The following ADARB1 variants were observed in gnomAD, a reference collection of about 807,000 sequenced individuals.
The protein encoded by ADARB1 is double-stranded RNA-specific editase 1.
A neutral mutation model predicts 52.4 loss-of-function variants in ADARB1; 10 were observed. The observed-to-expected ratio is 0.19, with a 90% CI of 0.12 to 0.32. ADARB1 has a LOEUF of 0.32. Ranked by LOEUF, ADARB1 falls within the 10% of genes least tolerant of loss-of-function variation. The probability of loss-of-function intolerance (pLI) is 1.00; values close to 1 mark genes in which losing one functional copy is unlikely to be tolerated. For missense variants in ADARB1, 643 were observed against 922.3 expected (o/e 0.70, Z 3.92); for synonymous variants, 349 against 371.1 (o/e 0.94, Z 0.68).
In ADARB1 at chr21:45,221,682, GTGA is replaced by G. The variant is rs908173887; in HGVS notation, c.1927-332_1927-330del. On this transcript the variant is annotated intron_variant, in intron 10 of 10. Coordinates refer to ENST00000348831, the MANE Select transcript of ADARB1 (RefSeq NM_001112.4). This position sits in a 1 kb window ranked among gnomAD's most constrained non-coding sequence, Gnocchi z 4.9. ...AGGGAAGGCCTCCGAGGTCATCAGG[GTGA>G]TGACACACATAACATCCGTGGTGCT... 5.3e-5 allele frequency among the ~76,000 whole-genome samples: 8 copies of G among 152,200 alleles called. No individual in the cohort carries two copies. The highest frequency in any genetic ancestry group is 1.9e-4 in the African/African-American group (8 of 41,456).
chr21:45,201,907 T>C (rs2092562502), intron 8 of ADARB1, among the ~76,000 whole-genome samples: 2 of 151,662 alleles, frequency 1.3e-5, no homozygotes. Context: ...GGGGCAGCCA[T>C]GGCTGCCTCT....
chr21:45,140,925 C>A (rs2089687028), intron 2 of ADARB1, among the ~76,000 whole-genome samples: 1 of 152,144 alleles, frequency 6.6e-6, no homozygotes, highest in Non-Finnish European at 1.5e-5. Context: ...GTGTGGTGCT[C>A]AAGCCTATAA....
rs2092976902 is a variant in ADARB1, at chr21:45,222,149, C to T, written c.2058C>T (p.Ala686=). Residue 686 remains alanine, a synonymous_variant, in exon 11 of 11, where the codon GCC becomes GCT. Coordinates refer to ENST00000348831, the MANE Select transcript of ADARB1 (RefSeq NM_001112.4). ...CCTTCATCAAGGCGGGGCTGGGGGC[C>T]TGGGTGGAGAAGCCCACCGAGCAGG... ...FTAFIKAGLG[A]WVEKPTEQDQ... The T allele has an allele frequency of 2.5e-6, 4 of 1,607,552 alleles. No individual in the cohort carries two copies. The highest frequency in any genetic ancestry group is 3.4e-6 in the Non-Finnish European group (4 of 1,177,514).
chr21:45,152,660 A>G (rs1465871376), intron 2 of ADARB1: 3 of 451,850 alleles, frequency 6.6e-6, no homozygotes, highest in Non-Finnish European at 1.3e-5. Context: ...TTTCAGCATC[A>G]TGGGGCGTCG....
intron 1 of ADARB1, among the ~76,000 whole-genome samples, chr21:45,081,288 C>T (rs1335953777): frequency 6.6e-6 from 1 of 152,196 alleles, no homozygotes; most frequent in Non-Finnish European, 1.5e-5. Context: ...CAGAGGCAGA[C>T]ACCGTGCCTC....
intron 1 of ADARB1, among the ~76,000 whole-genome samples, chr21:45,099,255 G>T (rs2086896178): frequency 2.0e-5 from 3 of 152,206 alleles, no homozygotes; most frequent in Admixed American, 2.0e-4. Flanking sequence ...TCCTGTGGGA[G>T]AGCAGCAATT....
intron 8 of ADARB1, among the ~76,000 whole-genome samples, chr21:45,195,796 C>T (rs1365405371): frequency 1.3e-5 from 2 of 152,148 alleles, no homozygotes; most frequent in Non-Finnish European, 2.9e-5. Flanking sequence ...CAATACCATG[C>T]TGTCCTGATT....
chr21:45,111,181 C>T (rs1763751216), intron 1 of ADARB1, among the ~76,000 whole-genome samples: 1 of 152,230 alleles, frequency 6.6e-6, no homozygotes, highest in Admixed American at 6.5e-5. Context: ...TCCTCAGGCT[C>T]CTCCTGTTGG....
chr21:45,166,765 C>T (rs777663539), intron 2 of ADARB1, among the ~76,000 whole-genome samples: 192 of 152,304 alleles, frequency 1.3e-3, no homozygotes, highest in Non-Finnish European at 2.2e-3. Flanking sequence ...AGGTCTTCTG[C>T]AGTCAAGTTC....
intron 2 of ADARB1, chr21:45,152,707 A>G: frequency 2.3e-6 from 1 of 436,290 alleles, no homozygotes; most frequent in East Asian, 7.5e-5. Flanking sequence ...CTGAGAGGAA[A>G]GGTAATTCAT....
At chr21:45,164,237 A>G (rs1169114186) in intron 2 of ADARB1, among the ~76,000 whole-genome samples, 1 of 152,136 alleles carries the variant, frequency 6.6e-6, no homozygotes, top group Non-Finnish European at 1.5e-5. Flanking sequence ...TGTAGCAGCC[A>G]AGTGAAGACT....
intron 2 of ADARB1, among the ~76,000 whole-genome samples, chr21:45,161,259 C>T (rs1209486917): frequency 6.6e-6 from 1 of 152,222 alleles, no homozygotes; most frequent in African/African-American, 2.4e-5. Flanking sequence ...CCCTGCCATC[C>T]TGGGCACAGC....
In ADARB1 at chr21:45,221,670, G is replaced by A. The variant is rs1311140214; in HGVS notation, c.1927-348G>A. Among the ~76,000 whole-genome samples the A allele has an allele frequency of 5.9e-5, 9 of 152,192 alleles. No homozygotes were observed. Among genetic ancestry groups the A allele is most frequent in the African/African-American group, 9.7e-5 (4 of 41,448 alleles). Reference sequence around the variant, plus strand: ...ACTGGCCGCATGAGGGAAGGCCTCCGAGGTCATCAGGGTGATGACACACAT... The same window carrying A: ...ACTGGCCGCATGAGGGAAGGCCTCCAAGGTCATCAGGGTGATGACACACAT... On this transcript the variant is annotated intron_variant, in intron 10 of 10. Coordinates refer to ENST00000348831, the MANE Select transcript of ADARB1 (RefSeq NM_001112.4). This position sits in a 1 kb window ranked among gnomAD's most constrained non-coding sequence, Gnocchi z 4.9.
intron 2 of ADARB1, among the ~76,000 whole-genome samples, chr21:45,141,826 T>A (rs537582181): frequency 6.6e-6 from 1 of 151,998 alleles, no homozygotes; most frequent in South Asian, 2.1e-4. Flanking sequence ...CAGGATCACC[T>A]TAGCATCCCT....
In ADARB1 at chr21:45,220,732, C is replaced by G; in HGVS notation, c.1748-104C>G. On this transcript the variant is annotated intron_variant, in intron 9 of 10. Transcript: ENST00000348831. This position sits in a 1 kb window ranked among gnomAD's most constrained non-coding sequence, Gnocchi z 6.3. ...CTCGGCAGGCAGAATTCCCCCACCA[C>G]GCACTTCTGTGGCCATGTCTGAGCA... is the stretch of plus-strand genomic sequence containing the variant. 1 of 1,236,450 alleles carries G rather than the reference C, an allele frequency of 8.1e-7. No homozygotes were observed. Among genetic ancestry groups the G allele is most frequent in the Non-Finnish European group, 1.2e-6 (1 of 869,148 alleles). The allele number at this position is 1,236,450 out of a possible 1,614,324, so 76.6% of individuals were successfully genotyped here.
intron 1 of ADARB1, among the ~76,000 whole-genome samples, chr21:45,081,292 G>A (rs1029246047): frequency 6.6e-6 from 1 of 152,150 alleles, no homozygotes; most frequent in African/African-American, 2.4e-5. Flanking sequence ...GGCAGACACC[G>A]TGCCTCACAA....
In ADARB1 at chr21:45,172,382, T is replaced by C. The variant is rs2091520318; in HGVS notation, c.28+698T>C. 1.3e-5 allele frequency among the ~76,000 whole-genome samples: 2 copies of C among 152,330 alleles called. No individual in the cohort carries two copies. The highest frequency in any genetic ancestry group is 2.1e-4 in the South Asian group (1 of 4,828). On this transcript the variant is annotated intron_variant, in intron 3 of 10. Coordinates refer to ENST00000348831, the MANE Select transcript of ADARB1 (RefSeq NM_001112.4). This position sits in a 1 kb window ranked among gnomAD's most constrained non-coding sequence, Gnocchi z 4.4. ...ACAAAGGCATCATTGCTCTAACTAA[T>C]ATAAATATCTGTATTTACCTTCTTA...
chr21:45,125,244 A>G (rs547531145), intron 1 of ADARB1, among the ~76,000 whole-genome samples: 2 of 152,162 alleles, frequency 1.3e-5, no homozygotes, highest in Non-Finnish European at 2.9e-5. Flanking sequence ...CCGCCTGATG[A>G]CCCATTCCCA....
intron 1 of ADARB1, among the ~76,000 whole-genome samples, chr21:45,092,666 A>G (rs1272635540): frequency 6.6e-6 from 1 of 152,212 alleles, no homozygotes; most frequent in Non-Finnish European, 1.5e-5. Context: ...ACTGATACTA[A>G]TAGTATGACA....
Sources: allele counts gnomAD v4.1 joint callset (sites outside exome capture counted in the v4.1 genomes callset), GRCh38; gene constraint gnomAD v4.1.1; non-coding constraint Gnocchi (gnomAD v3.1); transcripts MANE v1.5; gene names NCBI Gene and HGNC (gene_info 2026-07-23, HGNC 2026-07-21).